Variants in KAZN observed in about 807,000 individuals in gnomAD.
KAZN encodes kazrin, periplakin interacting protein, also known as kazrin.
KAZN carries 40 observed loss-of-function variants against 87.4 expected under a neutral mutation model. That is an observed-to-expected ratio of 0.46 (90% confidence interval 0.36 to 0.60). The LOEUF is 0.60. Ranked by LOEUF, KAZN falls within the 20% of genes least tolerant of loss-of-function variation. The pLI, the probability that KAZN is intolerant of heterozygous loss-of-function variation, is 0.00. For synonymous variants in KAZN, 466 were observed against 458.3 expected (o/e 1.02, Z -0.22); for missense variants, 898 against 1,073.9 (o/e 0.84, Z 2.29).
chr1:14,668,973 A>G (rs1350490884), intron 1 of KAZN, among the ~76,000 whole-genome samples: 1 of 152,230 alleles, frequency 6.6e-6, no homozygotes, highest in African/African-American at 2.4e-5. Context: ...AGACCCTTTC[A>G]GACAGAGAAC....
intron 1 of KAZN, among the ~76,000 whole-genome samples, chr1:14,946,429 C>G (rs1661802381): frequency 2.0e-5 from 3 of 151,834 alleles, no homozygotes; most frequent in Non-Finnish European, 4.4e-5. Context: ...CCTCTGCCTC[C>G]CGGGTTCACG....
At chr1:14,974,497 C>T (rs1373225451) in intron 2 of KAZN, among the ~76,000 whole-genome samples, 1 of 152,198 alleles carries the variant, frequency 6.6e-6, no homozygotes, top group Non-Finnish European at 1.5e-5. Flanking sequence ...AGGAAATACA[C>T]ATCCATACAA....
intron 2 of KAZN, among the ~76,000 whole-genome samples, chr1:14,237,377 A>G (rs1648523013): frequency 6.6e-6 from 1 of 152,148 alleles, no homozygotes; most frequent in African/African-American, 2.4e-5. Context: ...ATTGCTTAGG[A>G]AACAAATTGC....
chr1:14,087,729 A>C (rs1643887515), intron 1 of KAZN, among the ~76,000 whole-genome samples: 1 of 152,022 alleles, frequency 6.6e-6, no homozygotes, highest in South Asian at 2.1e-4. Flanking sequence ...TTTCTGTTTT[A>C]GTATGTTAAT....
chr1:14,197,113 T>C (rs1431890866), intron 2 of KAZN, among the ~76,000 whole-genome samples: 4 of 151,604 alleles, frequency 2.6e-5, no homozygotes, highest in African/African-American at 9.7e-5. Flanking sequence ...CAGGAAAGAA[T>C]GGGGAGGGGG....
At chr1:13,933,810 G>C (rs568918078) in intron 1 of KAZN, among the ~76,000 whole-genome samples, 4 of 152,216 alleles carry the variant, frequency 2.6e-5, no homozygotes, top group Non-Finnish European at 4.4e-5. Flanking sequence ...GGTTCAGAAA[G>C]GTAGACTAAC....
At chr1:14,227,831 C>A (rs996763901) in intron 2 of KAZN, among the ~76,000 whole-genome samples, 2 of 152,162 alleles carry the variant, frequency 1.3e-5, no homozygotes, top group African/African-American at 4.8e-5. Flanking sequence ...CGTATTAAAA[C>A]CTTGTAAACA....
At chr1:14,289,398 G>A (rs1240120114) in intron 2 of KAZN, among the ~76,000 whole-genome samples, 1 of 152,134 alleles carries the variant, frequency 6.6e-6, no homozygotes, top group Non-Finnish European at 1.5e-5. Context: ...AGGATAGTTA[G>A]GTCTTCTTGT....
intron 2 of KAZN, among the ~76,000 whole-genome samples, chr1:14,506,583 A>C (rs1410964345): frequency 6.6e-6 from 1 of 152,148 alleles, no homozygotes; most frequent in Non-Finnish European, 1.5e-5. Flanking sequence ...CAACTGCCAA[A>C]GTGGGGATCA....
intron 2 of KAZN, among the ~76,000 whole-genome samples, chr1:14,304,983 T>C (rs994641555): frequency 6.6e-6 from 1 of 151,910 alleles, no homozygotes; most frequent in Non-Finnish European, 1.5e-5. Flanking sequence ...GATAGATCTA[T>C]GGGCCTTTGA....
intron 2 of KAZN, among the ~76,000 whole-genome samples, chr1:14,553,095 C>A (rs1033952789): frequency 6.6e-6 from 1 of 152,186 alleles, no homozygotes; most frequent in African/African-American, 2.4e-5. Context: ...AAAATACAGG[C>A]CAGGCACGTT....
intron 1 of KAZN, among the ~76,000 whole-genome samples, chr1:14,802,365 C>T (rs920353408): frequency 3.4e-5 from 5 of 149,144 alleles, no homozygotes; most frequent in African/African-American, 1.2e-4. Context: ...GATTGTGCCA[C>T]TGTACTCTAG....
intron 8 of KAZN, among the ~76,000 whole-genome samples, chr1:15,075,435 T>C (rs1000762844): frequency 6.6e-6 from 1 of 152,226 alleles, no homozygotes; most frequent in Non-Finnish European, 1.5e-5. Flanking sequence ...TTTCCCAAAC[T>C]TACGTGACCA....
intron 1 of KAZN, among the ~76,000 whole-genome samples, chr1:14,104,156 G>C (rs557462280): frequency 6.6e-6 from 1 of 152,284 alleles, no homozygotes; most frequent in South Asian, 2.1e-4. Flanking sequence ...AGGGAGGAAG[G>C]GTCTGGAATA....
Position 14,101,704 on chromosome 1 carries a change from A to C in KAZN, c.92-78731A>C, listed in dbSNP as rs538664139. On this transcript the variant is annotated intron_variant, in intron 1 of 16. Coordinates refer to the KAZN transcript ENST00000636203. ...GAATTTTTAGTGAGTTTCCTTTAATATTTACATAAACCCAATTATAAGGGC... is the reference window on the plus strand; with the variant it reads ...GAATTTTTAGTGAGTTTCCTTTAATCTTTACATAAACCCAATTATAAGGGC... Among the ~76,000 whole-genome samples the C allele has an allele frequency of 2.0e-5, 3 of 152,326 alleles. No individual in the cohort carries two copies. The South Asian group carries it at 6.2e-4, about 32-fold the overall frequency.
chr1:15,037,060 C>T (rs1206451952), intron 3 of KAZN, among the ~76,000 whole-genome samples: 1 of 152,004 alleles, frequency 6.6e-6, no homozygotes, highest in East Asian at 1.9e-4. Flanking sequence ...TGGCACTCAG[C>T]ACAGCATCTT....
chr1:14,892,835 TAC>T (rs147437444), intron 1 of KAZN, among the ~76,000 whole-genome samples: 2 of 151,504 alleles, frequency 1.3e-5, no homozygotes, highest in Admixed American at 6.6e-5. Flanking sequence ...CTCCAATACC[TAC>T]ACACACACAC....
At position 14,598,734 on chromosome 1, in the gene KAZN, T is replaced by C. The variant is rs57271799; in HGVS notation, c.-264T>C. 4.8e-3 allele frequency: 6,312 copies of C among 1,327,722 alleles called. 192 individuals are homozygous for C. The East Asian group carries it at 0.078, about 16-fold the overall frequency. 82.2% of individuals were successfully genotyped at this position (1,327,722 alleles called of 1,614,324 possible). ...CGCCCGCCGGGGTCTCGGCGATCGC[T>C]GCTCCTCCTCCTCCTTCTCCTCCTC... On this transcript the variant is annotated 5_prime_UTR_variant, in exon 1 of 15. Coordinates refer to ENST00000376030, the MANE Select transcript of KAZN (RefSeq NM_201628.3). This position sits in a 1 kb window ranked among gnomAD's most constrained non-coding sequence, Gnocchi z 4.2.
rs142320372 is a variant in KAZN at position 14,076,007 on chromosome 1, C to T, written c.92-104428C>T. Among the ~76,000 whole-genome samples the T allele has an allele frequency of 5.3e-3, 800 of 152,220 alleles. 13 individuals are homozygous for T. Among genetic ancestry groups the T allele is most frequent in the African/African-American group, 0.018 (760 of 41,530 alleles). Reference sequence around the variant, plus strand: ...ATACGAAAGGGAAATGTAGACTGGGCGCGGTGGCTCATGCCTGTAATCCCA... The same window carrying T: ...ATACGAAAGGGAAATGTAGACTGGGTGCGGTGGCTCATGCCTGTAATCCCA... On this transcript the variant is annotated intron_variant, in intron 1 of 16. Coordinates refer to the KAZN transcript ENST00000636203.
Sources: allele counts gnomAD v4.1 joint callset (sites outside exome capture counted in the v4.1 genomes callset), GRCh38; gene constraint gnomAD v4.1.1; non-coding constraint Gnocchi (gnomAD v3.1); transcripts MANE v1.5; gene names NCBI Gene and HGNC (gene_info 2026-07-23, HGNC 2026-07-21).